Variants in SETD9 observed in about 807,000 individuals in gnomAD.
SETD9 encodes SET domain-containing protein 9.
SETD9 carries 37 observed loss-of-function variants against 36.4 expected under a neutral mutation model. The observed-to-expected ratio is 1.02, with a 90% CI of 0.78 to 1.34. The LOEUF is 1.34. Ranked by LOEUF, SETD9 falls within the 40% of genes most tolerant of loss-of-function variation. The probability of loss-of-function intolerance (pLI) is 0.00; values close to 1 mark genes in which losing one functional copy is unlikely to be tolerated. For synonymous variants in SETD9, 128 were observed against 132.9 expected (o/e 0.96, Z 0.26); for missense variants, 323 against 353.2 (o/e 0.91, Z 0.69).
chr5:56,920,960 C>T (rs925119520), downstream of SETD9: 12 of 152,462 alleles, frequency 7.9e-5, no homozygotes, highest in African/African-American at 2.7e-4. Context: ...TCTCTCATAC[C>T]ATTTTCTGGA....
chr5:56,924,871 T>C (rs958444760), intron 5 of SETD9, among the ~76,000 whole-genome samples: 2 of 152,244 alleles, frequency 1.3e-5, no homozygotes, highest in Non-Finnish European at 2.9e-5. Context: ...TAAGTTGTGA[T>C]ATAAGATTAC....
At chr5:56,928,187 A>C (rs1419464422), downstream of SETD9, 3 of 152,254 alleles carry the variant, frequency 2.0e-5, no homozygotes, top group Admixed American at 2.0e-4. Context: ...TTGTGTGGAC[A>C]TAAGTTTTCA....
In SETD9 at chr5:56,913,142, A is replaced by C; in HGVS notation, c.590+8A>C. On this transcript the variant is annotated splice_region_variant and intron_variant, in intron 3 of 5. Transcript: ENST00000285947. ...ATCAAAAGTTGTGTACAGGTAAGTG[A>C]TGCCCATGTTCAAATTTAATTATAG... 1 of 1,613,300 alleles carries C rather than the reference A, an allele frequency of 6.2e-7. No homozygotes were observed. Among genetic ancestry groups the C allele is most frequent in the Non-Finnish European group, 8.5e-7 (1 of 1,179,720 alleles).
Position 56,914,951 on chromosome 5 carries a change from G to A in SETD9, c.797G>A (p.Ser266Asn). Reference sequence around the variant, plus strand: ...CAGTATCTTCCAAACATTGCCTACAGCTATGACAAACAAAGGTTCGTTTGC... The same window carrying A: ...CAGTATCTTCCAAACATTGCCTACAACTATGACAAACAAAGGTTCGTTTGC... ...LKQYLPNIAY[S>N]YDKQSPLRCV... Residue 266 changes from serine to asparagine, a missense_variant, in exon 5 of 6, where the codon AGC becomes AAC. Coordinates refer to ENST00000285947, the MANE Select transcript of SETD9 (RefSeq NM_153706.4). 6.3e-7 allele frequency: 1 copy of A among 1,587,044 alleles called. No individual in the cohort carries two copies. Among genetic ancestry groups the A allele is most frequent in the Non-Finnish European group, 8.6e-7 (1 of 1,161,940 alleles).
chr5:56,923,763 A>C, intron 5 of SETD9: 1 of 1,614,184 alleles, frequency 6.2e-7, no homozygotes, highest in Middle Eastern at 1.6e-4. Context: ...GGCCGGTTAG[A>C]AGTTAAGGCT....
intron 1 of SETD9, 103 bp from the exon 2 acceptor site, chr5:56,911,066 A>G (rs1749092506): frequency 3.0e-6 from 4 of 1,347,036 alleles, no homozygotes; most frequent in Non-Finnish European, 2.0e-6. Context: ...CACACATGAG[A>G]ATAAGCTTAT....
chr5:56,918,320 C>T (rs1749511340), downstream of SETD9, among the ~76,000 whole-genome samples: 1 of 152,200 alleles, frequency 6.6e-6, no homozygotes, highest in South Asian at 2.1e-4. Context: ...AGCCACATAG[C>T]TTGTTCTCTC....
intron 5 of SETD9, among the ~76,000 whole-genome samples, chr5:56,916,540 A>T (rs1254138129): frequency 6.6e-6 from 1 of 152,230 alleles, no homozygotes; most frequent in Non-Finnish European, 1.5e-5. Context: ...CCTTTTTGTG[A>T]TACTAGTTTT....
exon 6 of SETD9, chr5:56,925,369 C>G (rs114930085): frequency 0.015 from 6,743 of 452,008 alleles, 57 homozygotes; most frequent in Non-Finnish European, 0.023. Context: ...TCCAAAGAAT[C>G]AACAAAAAAT....
At chr5:56,925,469 C>T (rs1426747902) in exon 6 of SETD9, 11 of 293,398 alleles carry the variant, frequency 3.7e-5, no homozygotes, top group Non-Finnish European at 4.7e-5. Context: ...ACAGCAATGA[C>T]GATTGAAATT....
downstream of SETD9, among the ~76,000 whole-genome samples, chr5:56,927,676 G>C (rs1163988605): frequency 1.3e-5 from 2 of 152,092 alleles, no homozygotes; most frequent in South Asian, 4.1e-4. Flanking sequence ...CATTGGAGTA[G>C]TGTATCTGTT....
At chr5:56,926,696 T>C (rs1293038779), downstream of SETD9, among the ~76,000 whole-genome samples, 1 of 152,186 alleles carries the variant, frequency 6.6e-6, no homozygotes, top group Non-Finnish European at 1.5e-5. Flanking sequence ...TTCACCATTC[T>C]ATCCTGTAAT....
At chr5:56,916,767 G>T in intron 5 of SETD9, 48 bp from the exon 6 acceptor site, 1 of 1,578,674 alleles carries the variant, frequency 6.3e-7, no homozygotes, top group Non-Finnish European at 8.6e-7. Flanking sequence ...AAAAATATGA[G>T]CTTATATTTG....
chr5:56,916,822 C>G lies in SETD9; in HGVS notation c.820C>G (p.Arg274Gly). The G allele has an allele frequency of 6.2e-7, 1 of 1,602,398 alleles. No homozygotes were observed. The highest frequency in any genetic ancestry group is 8.5e-7 in the Non-Finnish European group (1 of 1,176,170). ...AYSYDKQSPL[R>G]CVVLVALRDI... is the part of the protein sequence containing the mutation. ...ATATCTTTTTGTTTTCAGCCCACTT[C>G]GATGTGTTGTTCTTGTCGCACTTAG... Residue 274 changes from arginine to glycine, a missense_variant, in exon 6 of 6, where the codon CGA becomes GGA. Arg to Gly is a moderately radical substitution (Grantham distance 125). Transcript: ENST00000285947.
intron 5 of SETD9, chr5:56,923,855 T>G (rs1749815391): frequency 4.3e-6 from 7 of 1,614,088 alleles, no homozygotes; most frequent in Non-Finnish European, 5.1e-6. Context: ...ACCCCAGTAA[T>G]TTTATGACTA....
In SETD9 at chr5:56,914,949, C is replaced by T. The variant is rs779360946; in HGVS notation, c.795C>T (p.Tyr265=). ...ELKQYLPNIA[Y]SYDKQSPLRC... is the part of the protein sequence containing the mutation. Reference sequence around the variant, plus strand: ...AGCAGTATCTTCCAAACATTGCCTACAGCTATGACAAACAAAGGTTCGTTT... The same window carrying T: ...AGCAGTATCTTCCAAACATTGCCTATAGCTATGACAAACAAAGGTTCGTTT... The change falls in exon 5 of 6, where the codon TAC becomes TAT. Residue 265 remains tyrosine (Y), a synonymous_variant. Coordinates refer to ENST00000285947, the MANE Select transcript of SETD9 (RefSeq NM_153706.4). 4 of 1,587,828 alleles carry T rather than the reference C, an allele frequency of 2.5e-6. No individual in the cohort carries two copies. The highest frequency in any genetic ancestry group is 3.4e-6 in the Non-Finnish European group (4 of 1,162,440).
In SETD9 at chr5:56,910,487, T is replaced by G. The variant is rs964370891; in HGVS notation, c.99-682T>G. 1.2e-5 allele frequency: 13 copies of G among 1,080,866 alleles called. No homozygotes were observed. In the African/African-American group the frequency reaches 2.2e-4, roughly 18 times the overall value. The allele number at this position is 1,080,866 out of a possible 1,614,324, so 67.0% of individuals were successfully genotyped here. A position where few individuals can be genotyped will look rare whatever the true frequency, so the allele number is the denominator to read the frequency against. ...CGACCGGGCCTCCCTGAAGTCAGTG[T>G]CCGACAAATAGGGAAACAAAGCGGT... On this transcript the variant is annotated intron_variant, in intron 1 of 5. Coordinates refer to ENST00000285947, the MANE Select transcript of SETD9 (RefSeq NM_153706.4).
chr5:56,922,795 ATTGGG>A, intron 5 of SETD9: 4 of 269,398 alleles, frequency 1.5e-5, no homozygotes, highest in South Asian at 5.6e-5. Flanking sequence ...AGGTTTTAAA[ATTGGG>A]AGTGAGGGCA....
downstream of SETD9, chr5:56,927,950 A>G (rs1464248342): frequency 4.6e-5 from 7 of 152,062 alleles, no homozygotes; most frequent in African/African-American, 7.3e-5. Flanking sequence ...AGAATATCAT[A>G]TATTTGGAAA....
Sources: gnomAD v4.1 joint callset for allele counts (sites outside exome capture counted in the v4.1 genomes callset) on GRCh38, gnomAD v4.1.1 for gene constraint, MANE v1.5 for transcripts, NCBI Gene and HGNC (gene_info 2026-07-23, HGNC 2026-07-21) for gene names.